Variants in CENPP observed in about 807,000 individuals in gnomAD.
CENPP encodes centromere protein P.
CENPP carries 24 observed loss-of-function variants against 35.6 expected under a neutral mutation model. The observed-to-expected ratio is 0.67, with a 90% CI of 0.49 to 0.95. CENPP has a LOEUF of 0.95. Among genes scored for constraint, CENPP ranks in the 40% least tolerant of loss-of-function variants. The probability of loss-of-function intolerance (pLI) is 0.00; values close to 1 mark genes in which losing one functional copy is unlikely to be tolerated. For synonymous variants in CENPP, 120 were observed against 125.5 expected, an observed-to-expected ratio of 0.96 and a Z score of 0.29; for missense variants, 332 against 345.3, an observed-to-expected ratio of 0.96 and a Z score of 0.31.
At chr9:92,478,656 T>C (rs1445862160) in intron 5 of CENPP, among the ~76,000 whole-genome samples, 3 of 152,124 alleles carry the variant, frequency 2.0e-5, no homozygotes, top group Non-Finnish European at 4.4e-5. Flanking sequence ...TTTCACCATG[T>C]TGGCCAGGCA....
intron 4 of CENPP, among the ~76,000 whole-genome samples, chr9:92,377,088 G>C (rs958679433): frequency 1.3e-5 from 2 of 151,716 alleles, no homozygotes; most frequent in African/African-American, 4.8e-5. Flanking sequence ...AACATACTTG[G>C]CTTCCAGGTA....
At chr9:92,471,648 T>C (rs897481385) in intron 5 of CENPP, among the ~76,000 whole-genome samples, 24 of 151,824 alleles carry the variant, frequency 1.6e-4, no homozygotes, top group African/African-American at 5.6e-4. Flanking sequence ...TTCCACATAC[T>C]GATTCATATA....
intron 5 of CENPP, among the ~76,000 whole-genome samples, chr9:92,573,170 G>A (rs149996337): frequency 0.011 from 1,728 of 152,266 alleles, 27 homozygotes; most frequent in African/African-American, 0.038. Context: ...GAGGAGAAGA[G>A]GCGTTCTGAT....
At position 92,400,219 on chromosome 9, in the gene CENPP, C is replaced by T. The variant is rs573017566; in HGVS notation, c.564+20360C>T. Among the ~76,000 whole-genome samples the T allele has an allele frequency of 5.9e-5, 9 of 152,222 alleles. No individual in the cohort carries two copies. In the East Asian group the frequency reaches 1.4e-3, roughly 23 times the overall value. On this transcript the variant is annotated intron_variant, in intron 5 of 7. Transcript: ENST00000375587. The stretch of plus-strand genomic sequence containing the variant: ...AGGCTGGAGTACAATGGCACGACCT[C>T]GGCTCACCGCAACCTCCACCTCCCA...
intron 5 of CENPP, among the ~76,000 whole-genome samples, chr9:92,498,399 T>C (rs2131142913): frequency 6.6e-6 from 1 of 152,116 alleles, no homozygotes; most frequent in South Asian, 2.1e-4. Context: ...TGTATATATA[T>C]GTAACAAACC....
Position 92,611,189 on chromosome 9 carries a change from T to TTGC in CENPP, c.565-125_565-124insTGC, listed in dbSNP as rs1371800702. 28 of 752,018 alleles carry TTGC rather than the reference T, an allele frequency of 3.7e-5. No homozygotes were observed. The African/African-American group carries it at 3.9e-4, about 11-fold the overall frequency. The allele number at this position is 752,018 out of a possible 1,614,324, so 46.6% of individuals were successfully genotyped here. On this transcript the variant is annotated intron_variant, in intron 5 of 7. Transcript: ENST00000375587. Reference sequence around the variant, plus strand: ...GGGCAAGAGGGGCGGTTGGCACCCATGGATGCTGCGCAAACACTCGGACCC... The same window carrying TTGC: ...GGGCAAGAGGGGCGGTTGGCACCCATTGCGGATGCTGCGCAAACACTCGGACCC...
chr9:92,378,831 G>T (rs183365492), intron 4 of CENPP, among the ~76,000 whole-genome samples: 26 of 152,178 alleles, frequency 1.7e-4, no homozygotes, highest in African/African-American at 6.3e-4. Flanking sequence ...AATAGGATAC[G>T]TGGTGTGGTG....
chr9:92,527,658 A>C (rs747629), intron 5 of CENPP, among the ~76,000 whole-genome samples: 64,436 of 151,978 alleles, frequency 0.42, 16,069 homozygotes, highest in African/African-American at 0.69. Flanking sequence ...CAGGGTAATG[A>C]ATGCCTTCCT....
At position 92,615,442 on chromosome 9, in the gene CENPP, T is replaced by C. The variant is rs1359665156; in HGVS notation, c.*2293T>C. 3 of 190,318 alleles carry C rather than the reference T, an allele frequency of 1.6e-5. No homozygotes were observed. The South Asian group carries it at 3.2e-4, about 20-fold the overall frequency. The allele number at this position is 190,318 out of a possible 1,614,324, so 11.8% of individuals were successfully genotyped here. ...TTAAAAGTCCAAACTGTAAAATGTA[T>C]GTGACAATTCAAGTTTTCTATGTTA... is the stretch of plus-strand genomic sequence containing the variant. On this transcript the variant is annotated 3_prime_UTR_variant, in exon 8 of 8. Coordinates refer to ENST00000375587, the MANE Select transcript of CENPP (RefSeq NM_001012267.3).
chr9:92,468,497 G>A (rs908384700), intron 5 of CENPP, among the ~76,000 whole-genome samples: 13 of 152,336 alleles, frequency 8.5e-5, no homozygotes, highest in African/African-American at 3.1e-4. Flanking sequence ...TGGGAGGGCT[G>A]TGATTGTGTT....
At chr9:92,411,248 A>G (rs554713547) in intron 5 of CENPP, among the ~76,000 whole-genome samples, 6 of 152,256 alleles carry the variant, frequency 3.9e-5, no homozygotes, top group African/African-American at 1.4e-4. Flanking sequence ...CTGGGATTAC[A>G]GATGTGAGAC....
chr9:92,381,897 CT>C (rs79507211), intron 5 of CENPP, among the ~76,000 whole-genome samples: 57,546 of 133,484 alleles, frequency 0.43, 12,694 homozygotes, highest in African/African-American at 0.66. Context: ...TTATTTTCTG[CT>C]TTTTTTTTTT....
At chr9:92,571,666 T>C (rs891636307) in intron 5 of CENPP, among the ~76,000 whole-genome samples, 2 of 152,166 alleles carry the variant, frequency 1.3e-5, no homozygotes, top group African/African-American at 4.8e-5. Flanking sequence ...ATCTGTCTAA[T>C]GTTGATAGTG....
intron 5 of CENPP, among the ~76,000 whole-genome samples, chr9:92,576,462 AAACTT>A (rs899285076): frequency 5.3e-5 from 8 of 152,290 alleles, no homozygotes; most frequent in Non-Finnish European, 8.8e-5. Context: ...TAATAGCACT[AAACTT>A]AAACCACTTA....
At chr9:92,409,960 G>T (rs10283718) in intron 5 of CENPP, among the ~76,000 whole-genome samples, 1 of 151,816 alleles carries the variant, frequency 6.6e-6, no homozygotes, top group African/African-American at 2.4e-5. Context: ...GTTTTGAGAC[G>T]GAGTCTTGCT....
chr9:92,457,253 T>A, intron 5 of CENPP: 3 of 1,602,996 alleles, frequency 1.9e-6, no homozygotes, highest in Non-Finnish European at 2.6e-6. Context: ...GATTTTTGAA[T>A]CTTATATTAA....
chr9:92,584,031 A>G (rs554355606), intron 5 of CENPP, among the ~76,000 whole-genome samples: 1 of 152,294 alleles, frequency 6.6e-6, no homozygotes, highest in African/African-American at 2.4e-5. Context: ...TCTGTCAAAT[A>G]TAACCAAAGG....
At chr9:92,456,889 T>C in intron 5 of CENPP, 1 of 954,302 alleles carries the variant, frequency 1.0e-6, no homozygotes. Flanking sequence ...GTTAATTCTG[T>C]TTTTCTAACA....
intron 5 of CENPP, chr9:92,416,850 A>G: frequency 1.9e-6 from 3 of 1,613,878 alleles, no homozygotes; most frequent in Non-Finnish European, 2.5e-6. Context: ...AAAGACAGAT[A>G]CATAAGTGAA....
Sources: allele counts gnomAD v4.1 joint callset (sites outside exome capture counted in the v4.1 genomes callset), GRCh38; gene constraint gnomAD v4.1.1; transcripts MANE v1.5; gene names NCBI Gene and HGNC (gene_info 2026-07-23, HGNC 2026-07-21).